Variants in MORC1 observed in about 807,000 individuals in gnomAD.
MORC1 encodes the protein MORC family CW-type zinc finger 1, also known as MORC family CW-type zinc finger protein 1.
A neutral mutation model predicts 134.9 loss-of-function variants in MORC1; 59 were observed. That is an observed-to-expected ratio of 0.44 (90% CI 0.35 to 0.54). The LOEUF (loss-of-function observed/expected upper bound fraction) is 0.54. Among genes scored for constraint, MORC1 ranks in the 20% least tolerant of loss-of-function variants. The pLI is 0.00. For synonymous variants in MORC1, 395 were observed against 391.7 expected, an observed-to-expected ratio of 1.01 and a Z score of -0.10; for missense variants, 947 against 1,134.5, an observed-to-expected ratio of 0.83 and a Z score of 2.37.
At chr3:108,984,639 G>A in intron 23 of MORC1, 77 bp downstream of exon 23, 3 of 1,099,702 alleles carry the variant, frequency 2.7e-6, no homozygotes, top group Non-Finnish European at 3.9e-6. Context: ...CTTTCTTCTT[G>A]TATTTAAACA....
intron 2 of MORC1, 23 bp downstream of exon 2, chr3:109,114,361 T>C: frequency 6.3e-7 from 1 of 1,589,762 alleles, no homozygotes; most frequent in Non-Finnish European, 8.6e-7. Flanking sequence ...CCTCAGTAAC[T>C]GTTGTTTACA....
chr3:109,033,166 A>G (rs921626859), intron 15 of MORC1, among the ~76,000 whole-genome samples: 3 of 152,008 alleles, frequency 2.0e-5, no homozygotes, highest in Non-Finnish European at 4.4e-5. Flanking sequence ...CTGACCTACT[A>G]CCTGTCTGCT....
intron 14 of MORC1, among the ~76,000 whole-genome samples, chr3:109,044,444 G>C (rs1949636865): frequency 6.6e-6 from 1 of 151,886 alleles, no homozygotes; most frequent in South Asian, 2.1e-4. Flanking sequence ...TGTAGTCCCA[G>C]CTACTTGGGA....
At chr3:108,981,907 G>A (rs922499926) in intron 23 of MORC1, among the ~76,000 whole-genome samples, 4 of 152,058 alleles carry the variant, frequency 2.6e-5, no homozygotes, top group Admixed American at 2.6e-4. Flanking sequence ...TAGACAAGTG[G>A]GATCTAATTA....
intron 8 of MORC1, among the ~76,000 whole-genome samples, chr3:109,081,399 T>C (rs1386749813): frequency 6.6e-6 from 1 of 151,676 alleles, no homozygotes; most frequent in Non-Finnish European, 1.5e-5. Flanking sequence ...GATGGGAAAG[T>C]TTCCAGAGCA....
At chr3:109,060,997 GA>G (rs369165260) in intron 11 of MORC1, among the ~76,000 whole-genome samples, 30,836 of 145,948 alleles carry the variant, frequency 0.21, 3,461 homozygotes, top group Middle Eastern at 0.34. Context: ...AAAAAAAAAT[GA>G]AAAAAAAAAA....
At chr3:109,001,664 C>T (rs1948407291) in intron 20 of MORC1, among the ~76,000 whole-genome samples, 1 of 152,184 alleles carries the variant, frequency 6.6e-6, no homozygotes, top group Admixed American at 6.5e-5. Context: ...AATCTCTGTG[C>T]ACATCTATAC....
intron 20 of MORC1, among the ~76,000 whole-genome samples, chr3:109,002,751 T>C (rs1327418670): frequency 6.6e-6 from 1 of 152,116 alleles, no homozygotes; most frequent in Non-Finnish European, 1.5e-5. Context: ...TAAAGAAAAC[T>C]CTGGTCATGT....
chr3:109,042,735 A>AAGG (rs1949583409), intron 14 of MORC1, among the ~76,000 whole-genome samples: 1 of 152,230 alleles, frequency 6.6e-6, no homozygotes, highest in Non-Finnish European at 1.5e-5. Context: ...ATACAATGGA[A>AAGG]TACTATTTAG....
chr3:109,047,092 A>C (rs575003451), intron 14 of MORC1, among the ~76,000 whole-genome samples: 1 of 152,316 alleles, frequency 6.6e-6, no homozygotes, highest in South Asian at 2.1e-4. Flanking sequence ...TCAAAGATGC[A>C]TTGTGAGCTG....
At chr3:108,981,135 G>A (rs1397965605) in intron 23 of MORC1, among the ~76,000 whole-genome samples, 1 of 152,160 alleles carries the variant, frequency 6.6e-6, no homozygotes, top group East Asian at 1.9e-4. Flanking sequence ...AGTACGACAT[G>A]GGAAATGGAG....
chr3:108,978,845 G>A (rs977621308), intron 24 of MORC1, among the ~76,000 whole-genome samples: 4 of 152,134 alleles, frequency 2.6e-5, no homozygotes, highest in Admixed American at 1.3e-4. Context: ...ACAAAAGTCT[G>A]TGGATCCCAA....
At position 108,958,312 on chromosome 3, in the gene MORC1, CTT is replaced by C. The variant is rs1234799754; in HGVS notation, c.*651_*652del. 6.6e-6 allele frequency: 1 copy of C among 151,368 alleles called. No individual in the cohort carries two copies. The highest frequency in any genetic ancestry group is 1.9e-4 in the East Asian group (1 of 5,180). The allele number at this position is 151,368 out of a possible 1,614,324, so 9.4% of individuals were successfully genotyped here. On this transcript the variant is annotated 3_prime_UTR_variant, in exon 28 of 28. Coordinates refer to ENST00000232603, the MANE Select transcript of MORC1 (RefSeq NM_014429.4). The stretch of plus-strand genomic sequence containing the variant: ...GACATTTCTAAACAAAAAAAAAACA[CTT>C]ATCAAGAAAAGTGTAAAAACATACT...
At chr3:108,968,801 T>A (rs962004847) in intron 26 of MORC1, among the ~76,000 whole-genome samples, 2 of 152,156 alleles carry the variant, frequency 1.3e-5, no homozygotes, top group African/African-American at 4.8e-5. Flanking sequence ...AGGTAAAGTG[T>A]CAACAAAGAC....
intron 8 of MORC1, among the ~76,000 whole-genome samples, chr3:109,089,805 C>T (rs977894723): frequency 1.3e-5 from 2 of 152,116 alleles, no homozygotes; most frequent in African/African-American, 4.8e-5. Context: ...GTATTCTTGT[C>T]ATTACCCCCA....
At chr3:108,976,889 T>C (rs1947578878) in intron 24 of MORC1, among the ~76,000 whole-genome samples, 1 of 152,192 alleles carries the variant, frequency 6.6e-6, no homozygotes, top group Non-Finnish European at 1.5e-5. Flanking sequence ...GTACACTCAA[T>C]CAGATTATCC....
At chr3:109,107,790 C>T (rs1951070487) in intron 3 of MORC1, among the ~76,000 whole-genome samples, 1 of 152,110 alleles carries the variant, frequency 6.6e-6, no homozygotes, top group Non-Finnish European at 1.5e-5. Flanking sequence ...CATAAGATGG[C>T]TTGCCTCAAT....
chr3:109,040,468 GAAAGAAAGAAAGAAAGA>G (rs1559912735), intron 14 of MORC1, among the ~76,000 whole-genome samples: 13 of 143,722 alleles, frequency 9.0e-5, no homozygotes, highest in African/African-American at 3.4e-4. Flanking sequence ...AAGAAAGAAA[GAAAGAAAGAAAGAAAGA>G]AAGGAAAGAA....
At chr3:109,029,106 C>T (rs1949170479) in intron 16 of MORC1, among the ~76,000 whole-genome samples, 1 of 152,174 alleles carries the variant, frequency 6.6e-6, no homozygotes. Context: ...AGGGCTGCAG[C>T]ATATATTTTT....
Sources: gnomAD v4.1 joint callset for allele counts (sites outside exome capture counted in the v4.1 genomes callset) on GRCh38, gnomAD v4.1.1 for gene constraint, MANE v1.5 for transcripts, NCBI Gene and HGNC (gene_info 2026-07-23, HGNC 2026-07-21) for gene names.